Variants in RAP1GAP observed in about 807,000 individuals in gnomAD.
RAP1GAP encodes the protein rap1 GTPase-activating protein 1.
RAP1GAP carries 35 observed loss-of-function variants against 87.2 expected under a neutral mutation model. The ratio of observed to expected loss-of-function variants is 0.40; its 90% CI spans 0.31 to 0.53. RAP1GAP has a LOEUF of 0.53. Ranked by LOEUF, RAP1GAP falls within the 20% of genes least tolerant of loss-of-function variation. The probability of loss-of-function intolerance (pLI) is 0.48; values close to 1 mark genes in which losing one functional copy is unlikely to be tolerated. For synonymous variants in RAP1GAP, 375 were observed against 363.9 expected (o/e 1.03, Z -0.35); for missense variants, 734 against 898.9 (o/e 0.82, Z 2.35).
At chr1:21,600,062 G>A (rs1387988905) in intron 20 of RAP1GAP, among the ~76,000 whole-genome samples, 1 of 152,160 alleles carries the variant, frequency 6.6e-6, no homozygotes, top group Non-Finnish European at 1.5e-5. Flanking sequence ...GAGGGGACAG[G>A]CACACAGCCC....
chr1:21,648,210 G>C (rs1392884444), intron 2 of RAP1GAP, among the ~76,000 whole-genome samples: 1 of 152,198 alleles, frequency 6.6e-6, no homozygotes, highest in East Asian at 1.9e-4. Flanking sequence ...CCCAGAGAGG[G>C]GATGGGACTC....
intron 1 of RAP1GAP, chr1:21,651,715 C>G (rs772500555): frequency 3.7e-6 from 4 of 1,092,890 alleles, no homozygotes; most frequent in Non-Finnish European, 5.2e-6. Context: ...CGCACGGGCT[C>G]CCCCCCACGC....
intron 2 of RAP1GAP, among the ~76,000 whole-genome samples, chr1:21,639,802 C>CGGCA (rs2095334661): frequency 6.6e-6 from 1 of 152,152 alleles, no homozygotes; most frequent in Non-Finnish European, 1.5e-5. Flanking sequence ...TCCTGGGAGT[C>CGGCA]GGCACCGGGT....
intron 1 of RAP1GAP, among the ~76,000 whole-genome samples, chr1:21,662,580 G>A (rs2097190556): frequency 6.6e-6 from 1 of 152,128 alleles, no homozygotes; most frequent in Non-Finnish European, 1.5e-5. Flanking sequence ...GGGGGAGCTG[G>A]AAGCTTTAGG....
At chr1:21,606,430 C>T (rs113160174) in intron 17 of RAP1GAP, among the ~76,000 whole-genome samples, 3 of 152,208 alleles carry the variant, frequency 2.0e-5, no homozygotes, top group African/African-American at 7.2e-5. Flanking sequence ...AAGGGTAGCT[C>T]AGGTATTGGC....
chr1:21,631,716 A>C (rs2093778558), intron 2 of RAP1GAP, among the ~76,000 whole-genome samples: 2 of 152,292 alleles, frequency 1.3e-5, no homozygotes, highest in South Asian at 4.1e-4. Context: ...AAAAAACAAA[A>C]AAGAAATCCA....
intron 2 of RAP1GAP, among the ~76,000 whole-genome samples, chr1:21,647,068 C>T (rs528969307): frequency 4.0e-4 from 61 of 152,330 alleles, no homozygotes; most frequent in African/African-American, 1.4e-3. Context: ...ATTCCCCTCC[C>T]TGAACACACT....
chr1:21,613,210 T>C lies in RAP1GAP; in HGVS notation c.494A>G (p.Asn165Ser), dbSNP rs761804914. The C allele has an allele frequency of 2.0e-5, 32 of 1,563,450 alleles. No homozygotes were observed. The highest frequency in any genetic ancestry group is 6.7e-5 in the East Asian group (3 of 44,632). ...GAGCACAGGATAGAACCGATCCACA[T>C]TGACGTCTTCACACACCAACTGCAG... ...QMAKLVCEDV[N>S]VDRFYPVLYP... The change falls in exon 10 of 25, where the codon AAT becomes AGT. Residue 165 changes from asparagine (N) to serine (S), a missense_variant. Transcript: ENST00000374765. This position sits in a 1 kb window ranked among gnomAD's most constrained non-coding sequence, Gnocchi z 4.7.
At chr1:21,605,741 T>C (rs1360516638) in intron 18 of RAP1GAP, among the ~76,000 whole-genome samples, 1 of 152,180 alleles carries the variant, frequency 6.6e-6, no homozygotes, top group African/African-American at 2.4e-5. Flanking sequence ...AACAGATAGA[T>C]ACTCAATAAG....
chr1:21,662,462 G>A (rs1485184807), intron 1 of RAP1GAP, among the ~76,000 whole-genome samples: 1 of 152,226 alleles, frequency 6.6e-6, no homozygotes, highest in Non-Finnish European at 1.5e-5. Flanking sequence ...GGAGAAGTCA[G>A]GGTCTGTGGG....
At chr1:21,607,969 G>T (rs1365668303) in intron 17 of RAP1GAP, among the ~76,000 whole-genome samples, 1 of 149,476 alleles carries the variant, frequency 6.7e-6, no homozygotes, top group Non-Finnish European at 1.5e-5. Context: ...TCCACACCAT[G>T]TCAATCAGCC....
intron 17 of RAP1GAP, 136 bp from the exon 18 acceptor site, chr1:21,606,333 C>A (rs1305508184): frequency 4.6e-6 from 6 of 1,314,656 alleles, no homozygotes; most frequent in Non-Finnish European, 6.2e-6. Flanking sequence ...TTCCCCTGGG[C>A]ATGTGGCCAG....
intron 11 of RAP1GAP, 68 bp downstream of exon 11, chr1:21,611,958 T>G (rs1445285681): frequency 6.7e-7 from 1 of 1,483,732 alleles, no homozygotes; most frequent in Non-Finnish European, 9.3e-7. Flanking sequence ...TGTGCTGCCC[T>G]GGAAAAGGTG....
intron 1 of RAP1GAP, among the ~76,000 whole-genome samples, chr1:21,667,332 A>G (rs1423067196): frequency 6.6e-6 from 1 of 152,208 alleles, no homozygotes; most frequent in Non-Finnish European, 1.5e-5. Context: ...AAGAGGCCAA[A>G]GGAAGAATCC....
In RAP1GAP at chr1:21,603,078, A is replaced by G; in HGVS notation, c.1429-165T>C. ...CCAGAGACAGCCTCCCAGTTTACGA[A>G]AGGGAAACAGTCCCCAGGAGGGCAA... On this transcript the variant is annotated intron_variant, in intron 18 of 24. Transcript: ENST00000374765. This position sits in a 1 kb window ranked among gnomAD's most constrained non-coding sequence, Gnocchi z 6.0. 1 of 594,518 alleles carries G rather than the reference A, an allele frequency of 1.7e-6. No individual in the cohort carries two copies. The highest frequency in any genetic ancestry group is 3.0e-6 in the Non-Finnish European group (1 of 336,104). The allele number at this position is 594,518 out of a possible 1,614,324, so 36.8% of individuals were successfully genotyped here.
chr1:21,597,907 C>A, intron 23 of RAP1GAP, 54 bp downstream of exon 23: 1 of 1,523,674 alleles, frequency 6.6e-7, no homozygotes. Flanking sequence ...CCCGCCAGCT[C>A]ATCCCCTCCC....
chr1:21,602,963 GCC>G (rs3215988), intron 18 of RAP1GAP, 50 bp from the exon 19 acceptor site: 8 of 1,293,928 alleles, frequency 6.2e-6, no homozygotes, highest in Admixed American at 1.9e-5. Context: ...GAGCCCCAGT[GCC>G]CCCCCCACAT....
At chr1:21,636,980 T>C (rs1405796386) in intron 2 of RAP1GAP, among the ~76,000 whole-genome samples, 2 of 147,998 alleles carry the variant, frequency 1.4e-5, no homozygotes, top group Non-Finnish European at 3.0e-5. Flanking sequence ...GAAAGCAACC[T>C]GAGCAACCTG....
At chr1:21,651,696 A>T in intron 1 of RAP1GAP, 1 of 1,160,038 alleles carries the variant, frequency 8.6e-7, no homozygotes, top group Non-Finnish European at 1.2e-6. Context: ...CCCAAACGCG[A>T]GCACACCCCG....
Sources: gnomAD v4.1 joint callset for allele counts (sites outside exome capture counted in the v4.1 genomes callset) on GRCh38, gnomAD v4.1.1 for gene constraint, Gnocchi (gnomAD v3.1) non-coding constraint, MANE v1.5 for transcripts, NCBI Gene and HGNC (gene_info 2026-07-23, HGNC 2026-07-21) for gene names.